GALNT9: variants seen among roughly 807,000 people sequenced by gnomAD.
The protein encoded by GALNT9 is GalNAc transferase 9.
GALNT9 carries 47 observed loss-of-function variants against 63.1 expected under a neutral mutation model. That is an observed-to-expected ratio of 0.75 (90% confidence interval 0.59 to 0.95). The LOEUF (loss-of-function observed/expected upper bound fraction) is 0.95. GALNT9 is among the 40% of genes least tolerant of loss of function. The pLI is 0.00. For missense variants in GALNT9, 829 were observed against 874.8 expected (o/e 0.95, Z 0.66); for synonymous variants, 396 against 365.7 (o/e 1.08, Z -0.94).
intron 5 of GALNT9, among the ~76,000 whole-genome samples, chr12:132,251,064 C>T (rs935283114): frequency 6.6e-6 from 1 of 152,270 alleles, no homozygotes; most frequent in South Asian, 2.1e-4. Context: ...TGGAACACGT[C>T]GAGAATAACG....
At chr12:132,203,737 G>T (rs761510323) in intron 6 of GALNT9, 47 bp from the exon 7 acceptor site, 1 of 1,581,310 alleles carries the variant, frequency 6.3e-7, no homozygotes, top group South Asian at 1.1e-5. Flanking sequence ...CAACGGAAGC[G>T]GGCAGCCCGG....
At chr12:132,248,900 G>A (rs1878812416) in intron 5 of GALNT9, among the ~76,000 whole-genome samples, 1 of 152,216 alleles carries the variant, frequency 6.6e-6, no homozygotes. Context: ...CAGTGGTGAA[G>A]GCAGGATCCG....
intron 4 of GALNT9, 106 bp downstream of exon 4, chr12:132,260,842 C>G: frequency 7.1e-7 from 1 of 1,412,182 alleles, no homozygotes; most frequent in Non-Finnish European, 9.2e-7. Context: ...GTCTCCCAGC[C>G]CCGGGGCCAA....
intron 8 of GALNT9, among the ~76,000 whole-genome samples, chr12:132,199,488 G>A (rs111727229): frequency 1.4e-4 from 21 of 152,124 alleles, no homozygotes; most frequent in Non-Finnish European, 3.1e-4. Context: ...CACAGATGGA[G>A]ACTTGGCCAT....
intron 7 of GALNT9, 51 bp downstream of exon 7, chr12:132,203,454 T>A (rs773295572): frequency 6.3e-7 from 1 of 1,589,732 alleles, no homozygotes; most frequent in Non-Finnish European, 8.6e-7. Context: ...GCCGTGGCAT[T>A]GACCCCGACC....
chr12:132,251,572 G>A (rs1231139450), intron 5 of GALNT9, among the ~76,000 whole-genome samples: 1 of 152,196 alleles, frequency 6.6e-6, no homozygotes, highest in Non-Finnish European at 1.5e-5. Flanking sequence ...GCCCTCCCAG[G>A]TCCTCTTCTG....
At chr12:132,205,057 C>T (rs979994155) in intron 6 of GALNT9, among the ~76,000 whole-genome samples, 6 of 152,174 alleles carry the variant, frequency 3.9e-5, no homozygotes, top group African/African-American at 1.2e-4. Flanking sequence ...GGGGTGGAGC[C>T]TCTGCCCAGC....
intron 6 of GALNT9, among the ~76,000 whole-genome samples, chr12:132,206,808 G>A (rs1194952983): frequency 6.6e-6 from 1 of 152,194 alleles, no homozygotes; most frequent in Non-Finnish European, 1.5e-5. Flanking sequence ...GCTGACCTGA[G>A]TGCGGCACGC....
rs184631079 is a variant in GALNT9 at position 132,271,063 on chromosome 12, G to A, written c.420-8438C>T. ...GCAGGTGCCTCAGCTGCCGCCGTCC[G>A]CTGCTTCTCCATGACAGACGCTGCG... On this transcript the variant is annotated intron_variant, in intron 2 of 10. Transcript: ENST00000328957. 1.4e-3 allele frequency among the ~76,000 whole-genome samples: 208 copies of A among 152,266 alleles called. 7 individuals are homozygous for A. The East Asian group carries it at 0.037, about 27-fold the overall frequency.
chr12:132,197,287 C>A (rs1875580196), intron 10 of GALNT9, 34 bp from the exon 11 acceptor site: 1 of 1,604,154 alleles, frequency 6.2e-7, no homozygotes. Context: ...CAGCCAGGTG[C>A]AGGCGTCCTT....
chr12:132,262,478 C>A lies in GALNT9; in HGVS notation c.567G>T (p.Val189=), dbSNP rs1209233460. Residue 189 remains valine (V), a synonymous_variant, in exon 3 of 11, where the codon GTG becomes GTT. Transcript: ENST00000328957. ...ACTCACCGTTGTCACTGTTGTCGTCCACCAGGATGACCTCCTTGAGGAGCT... is the reference window on the plus strand; with the variant it reads ...ACTCACCGTTGTCACTGTTGTCGTCAACCAGGATGACCTCCTTGAGGAGCT... ...PSQLLKEVIL[V]DDNSDNVELK... 1.3e-6 allele frequency: 2 copies of A among 1,550,594 alleles called. No homozygotes were observed. Among genetic ancestry groups the A allele is most frequent in the African/African-American group, 2.7e-5 (2 of 73,056 alleles).
chr12:132,302,137 T>C (rs190893752), intron 1 of GALNT9, among the ~76,000 whole-genome samples: 2 of 152,194 alleles, frequency 1.3e-5, no homozygotes, highest in East Asian at 1.9e-4. Context: ...TTAGTTTTGT[T>C]TCACTGCCAG....
At chr12:132,258,725 G>A (rs73166894) in intron 4 of GALNT9, among the ~76,000 whole-genome samples, 1 of 152,198 alleles carries the variant, frequency 6.6e-6, no homozygotes, top group East Asian at 1.9e-4. Flanking sequence ...AAGCAGCCTC[G>A]ATGGGCATCA....
At chr12:132,261,948 C>T (rs944033261) in intron 3 of GALNT9, among the ~76,000 whole-genome samples, 9 of 152,282 alleles carry the variant, frequency 5.9e-5, no homozygotes, top group East Asian at 3.9e-4. Flanking sequence ...GCTCCAGCTG[C>T]GAGCTCTGTC....
At chr12:132,268,815 C>T (rs1167283463) in intron 2 of GALNT9, among the ~76,000 whole-genome samples, 1 of 152,080 alleles carries the variant, frequency 6.6e-6, no homozygotes, top group South Asian at 2.1e-4. Context: ...AGCTGCCACT[C>T]GGAGCCACAC....
chr12:132,285,766 C>G lies in GALNT9; in HGVS notation c.419+484G>C, dbSNP rs377225618. ...AGATGCAGCTATGGCAGGAGTGCCC[C>G]AAGCCTGGGGCTAGGCCCTGGGAAG... On this transcript the variant is annotated intron_variant, in intron 2 of 10. Transcript: ENST00000328957. Among the ~76,000 whole-genome samples, 88 of 152,270 alleles carry G rather than the reference C, an allele frequency of 5.8e-4. No homozygotes were observed. In the South Asian group the frequency reaches 9.7e-3, roughly 17 times the overall value.
chr12:132,278,339 A>G (rs1211832614), intron 2 of GALNT9: 2 of 152,266 alleles, frequency 1.3e-5, no homozygotes, highest in African/African-American at 4.8e-5. Flanking sequence ...CAAACATACA[A>G]GTTATTTGAG....
chr12:132,286,263 A>AGTCGG lies in GALNT9; in HGVS notation c.401_405dup (p.Tyr136ProfsTer11), dbSNP rs1555242166. 2.6e-6 allele frequency: 4 copies of AGTCGG among 1,550,248 alleles called. No homozygotes were observed. Among genetic ancestry groups the AGTCGG allele is most frequent in the Non-Finnish European group, 1.7e-6 (2 of 1,146,384 alleles). Reference sequence around the variant, plus strand: ...TCACTCACTCACTTTCTGGGCCGGTAGTCGGGGATGCTCCGATCGAGGGAG... The same window carrying AGTCGG: ...TCACTCACTCACTTTCTGGGCCGGTAGTCGGGTCGGGGATGCTCCGATCGAGGGAG... On this transcript the variant is annotated frameshift_variant, in exon 2 of 11. Transcript: ENST00000328957. LOFTEE classifies it high-confidence loss of function. The surrounding 1 kb of genome is among the most constrained non-coding windows in gnomAD (Gnocchi z 7.4).
chr12:132,267,751 ACACT>A (rs1219992631), intron 2 of GALNT9, among the ~76,000 whole-genome samples: 8 of 145,590 alleles, frequency 5.5e-5, no homozygotes, highest in South Asian at 4.1e-4. Flanking sequence ...ACAAGCACAC[ACACT>A]CACACACACA....
Sources: allele counts gnomAD v4.1 joint callset (sites outside exome capture counted in the v4.1 genomes callset), GRCh38; gene constraint gnomAD v4.1.1; non-coding constraint Gnocchi (gnomAD v3.1); transcripts MANE v1.5; gene names NCBI Gene and HGNC (gene_info 2026-07-23, HGNC 2026-07-21).